PPHLN1: variants seen among roughly 807,000 people sequenced by gnomAD.
PPHLN1 encodes periphilin-1.
Under a neutral mutation model 51.3 loss-of-function variants are expected in PPHLN1, and 29 were observed. That is an observed-to-expected ratio of 0.57 (90% CI 0.42 to 0.77). The LOEUF (loss-of-function observed/expected upper bound fraction) is 0.77. Ranked by LOEUF, PPHLN1 falls within the 30% of genes least tolerant of loss-of-function variation. PPHLN1 has a pLI of 0.00. For synonymous variants in PPHLN1, 147 were observed against 147.8 expected (o/e 0.99, Z 0.04); for missense variants, 436 against 438.4 (o/e 0.99, Z 0.05).
intron 4 of PPHLN1, among the ~76,000 whole-genome samples, chr12:42,357,718 TTTTA>T (rs1329837421): frequency 6.6e-6 from 1 of 152,208 alleles, no homozygotes. Context: ...GCTTAATTGT[TTTTA>T]TTTATTTATA....
rs762042780 is a variant in PPHLN1 at position 42,335,915 on chromosome 12, G to A, written c.13G>A (p.Gly5Arg). 1 of 1,584,056 alleles carries A rather than the reference G, an allele frequency of 6.3e-7. No homozygotes were observed. Among genetic ancestry groups the A allele is most frequent in the East Asian group, 2.3e-5 (1 of 43,452 alleles). MWSEGRYEYERIPRE... is the reference protein window; with the variant it reads MWSERRYEYERIPRE... ...CAGAAGAGACGAAATGTGGTCTGAG[G>A]GACGATATGAATATGAAAGAATTCC... Residue 5 changes from glycine (G) to arginine (R), a missense_variant, in exon 2 of 10, where the codon GGA (glycine) becomes AGA (arginine). By Grantham distance (125) the Gly-to-Arg change is moderately radical. Transcript: ENST00000358314.
intron 6 of PPHLN1, among the ~76,000 whole-genome samples, chr12:42,385,886 T>A (rs529612666): frequency 6.6e-6 from 1 of 152,228 alleles, no homozygotes; most frequent in Non-Finnish European, 1.5e-5. Flanking sequence ...ACACTGACAC[T>A]ATCACACTAT....
At chr12:42,387,954 C>T (rs548917659) in intron 7 of PPHLN1, among the ~76,000 whole-genome samples, 4 of 152,316 alleles carry the variant, frequency 2.6e-5, no homozygotes, top group Middle Eastern at 6.8e-3. Context: ...AAGCAGTATG[C>T]GTGGTAAAAG....
At position 42,426,213 on chromosome 12, in the gene PPHLN1, CA is replaced by C. The variant is rs1201447377; in HGVS notation, c.910-15101del. On this transcript the variant is annotated intron_variant, in intron 9 of 9. Transcript: ENST00000358314. The stretch of plus-strand genomic sequence containing the variant: ...ACACACACACACACACACACACACA[CA>C]CACACACACACACACCCTCATGCAT... Among the ~76,000 whole-genome samples the C allele has an allele frequency of 8.8e-4, 127 of 144,636 alleles. 1 individual carries two copies. Among genetic ancestry groups the C allele is most frequent in the Middle Eastern group, 3.4e-3 (1 of 292 alleles). 94.9% of individuals were successfully genotyped at this position (144,636 alleles called of 152,430 possible).
intron 9 of PPHLN1, chr12:42,432,283 A>G (rs558494989): frequency 2.6e-6 from 2 of 759,418 alleles, no homozygotes; most frequent in East Asian, 2.4e-5. Context: ...TGCCTCTTCC[A>G]CTATGAGACC....
chr12:42,345,184 A>G (rs1448018893), intron 2 of PPHLN1, among the ~76,000 whole-genome samples: 2 of 152,184 alleles, frequency 1.3e-5, no homozygotes, highest in African/African-American at 4.8e-5. Flanking sequence ...TTGGAAAACT[A>G]GGTATTTTAT....
chr12:42,386,462 A>G (rs2077200278), intron 6 of PPHLN1, among the ~76,000 whole-genome samples: 1 of 152,166 alleles, frequency 6.6e-6, no homozygotes, highest in Admixed American at 6.5e-5. Context: ...TGGCAGGAAG[A>G]GCTTAAGAGG....
chr12:42,397,945 A>G (rs1411297427), intron 8 of PPHLN1, among the ~76,000 whole-genome samples: 1 of 147,920 alleles, frequency 6.8e-6, no homozygotes, highest in Non-Finnish European at 1.5e-5. Flanking sequence ...TATGGTCTTG[A>G]TCTCTTGACC....
At chr12:42,330,065 TAA>T in intron 1 of PPHLN1, 1 of 152,128 alleles carries the variant, frequency 6.6e-6, no homozygotes, top group Non-Finnish European at 1.5e-5. Flanking sequence ...GTGTCACAAA[TAA>T]GTTCAAGGGA....
rs577464919 is a variant in PPHLN1, at chr12:42,418,023, T to C, written c.909+19029T>C. Among the ~76,000 whole-genome samples the C allele has an allele frequency of 2.1e-5, 3 of 140,436 alleles. No individual in the cohort carries two copies. The South Asian group carries it at 7.3e-4, about 34-fold the overall frequency. 92.1% of individuals were successfully genotyped at this position (140,436 alleles called of 152,430 possible). A position where few individuals can be genotyped will look rare whatever the true frequency, so the allele number is the denominator to read the frequency against. On this transcript the variant is annotated intron_variant, in intron 9 of 9. Coordinates refer to ENST00000358314, the MANE Select transcript of PPHLN1 (RefSeq NM_201439.2). ...GGCGTGGTCTCAGCTCACTGCAAGC[T>C]CCGCCTCCTGGGTTCACGCCATTCT...
At chr12:42,426,387 AT>A (rs2139779792) in intron 9 of PPHLN1, among the ~76,000 whole-genome samples, 1 of 152,250 alleles carries the variant, frequency 6.6e-6, no homozygotes, top group East Asian at 1.9e-4. Context: ...TCTATTTTGG[AT>A]TTTAATAATT....
chr12:42,360,484 T>C (rs1345607317), intron 4 of PPHLN1, among the ~76,000 whole-genome samples: 8 of 123,340 alleles, frequency 6.5e-5, no homozygotes, highest in African/African-American at 2.5e-4. Context: ...TTTTTTTTTT[T>C]TTTGAGATGA....
chr12:42,387,513 G>A lies in PPHLN1; in HGVS notation c.626G>A (p.Gly209Asp). The A allele has an allele frequency of 6.2e-7, 1 of 1,613,014 alleles. No individual in the cohort carries two copies. The highest frequency in any genetic ancestry group is 1.1e-5 in the South Asian group (1 of 90,752). The change falls in exon 7 of 10, where the codon GGT (glycine) becomes GAT (aspartate). Residue 209 changes from glycine (G) to aspartate (D), a missense_variant. Coordinates refer to ENST00000358314, the MANE Select transcript of PPHLN1 (RefSeq NM_201439.2). The stretch of plus-strand genomic sequence containing the variant: ...TCAAGAGATACTTCACCCTCAAGTG[G>A]TTCAGCAGTTTCTTCATCAAAGGTT... ...KTSRDTSPSS[G>D]SAVSSSKVLD... is the part of the protein sequence containing the mutation.
intron 5 of PPHLN1, among the ~76,000 whole-genome samples, chr12:42,383,534 A>G (rs1283241343): frequency 6.6e-6 from 1 of 152,250 alleles, no homozygotes; most frequent in Non-Finnish European, 1.5e-5. Flanking sequence ...TAAAGTTGGT[A>G]GTACATGAAA....
intron 1 of PPHLN1, among the ~76,000 whole-genome samples, chr12:42,333,071 C>G (rs1452763242): frequency 6.6e-6 from 1 of 152,154 alleles, no homozygotes; most frequent in Non-Finnish European, 1.5e-5. Flanking sequence ...TTGTTACTCC[C>G]AGGAGTAGTC....
At chr12:42,445,163 AGCCCACAGCTCACT>A (rs1288929528), downstream of PPHLN1, 14 of 701,818 alleles carry the variant, frequency 2.0e-5, no homozygotes, top group Non-Finnish European at 3.1e-5. Context: ...CACATATTTG[AGCCCACAGCTCACT>A]GCCTGACCCA....
chr12:42,432,338 A>G lies in PPHLN1; in HGVS notation c.910-8977A>G. 5 of 740,250 alleles carry G rather than the reference A, an allele frequency of 6.8e-6. No homozygotes were observed. In the South Asian group the frequency reaches 7.5e-5, roughly 11 times the overall value. The allele number at this position is 740,250 out of a possible 1,614,324, so 45.9% of individuals were successfully genotyped here. On this transcript the variant is annotated intron_variant, in intron 9 of 9. Transcript: ENST00000358314. Reference sequence around the variant, plus strand: ...CTGCTCATTAATCTGTAGGCATTCCATTCTTAGCTGTTCTACTTCCTTTAG... The same window carrying G: ...CTGCTCATTAATCTGTAGGCATTCCGTTCTTAGCTGTTCTACTTCCTTTAG...
chr12:42,391,264 A>C (rs2077680509), intron 7 of PPHLN1, among the ~76,000 whole-genome samples: 1 of 152,114 alleles, frequency 6.6e-6, no homozygotes, highest in Non-Finnish European at 1.5e-5. Flanking sequence ...GGCAGAACGG[A>C]GTTTCACTCT....
intron 4 of PPHLN1, among the ~76,000 whole-genome samples, chr12:42,368,027 G>A (rs1407144977): frequency 6.6e-6 from 1 of 152,160 alleles, no homozygotes; most frequent in Non-Finnish European, 1.5e-5. Context: ...GTGAGCTACT[G>A]TGCCCAGCCA....
Sources: allele counts gnomAD v4.1 joint callset (sites outside exome capture counted in the v4.1 genomes callset), GRCh38; gene constraint gnomAD v4.1.1; transcripts MANE v1.5; gene names NCBI Gene and HGNC (gene_info 2026-07-23, HGNC 2026-07-21).